SLC17A1: variants seen among roughly 807,000 people sequenced by gnomAD.
SLC17A1 encodes the protein sodium-dependent phosphate transport protein 1.
In SLC17A1, 51 loss-of-function variants were observed where a neutral mutation model predicts 53.5. That is an observed-to-expected ratio of 0.95 (90% CI 0.76 to 1.20). The LOEUF (loss-of-function observed/expected upper bound fraction) is 1.20, where lower values mean the gene tolerates loss of function less well. Among genes scored for constraint, SLC17A1 ranks in the 50% most tolerant of loss-of-function variants. The pLI, the probability that SLC17A1 is intolerant of heterozygous loss-of-function variation, is 0.00. For missense variants in SLC17A1, 538 were observed against 568.2 expected (o/e 0.95, Z 0.54); for synonymous variants, 179 against 198.8 (o/e 0.90, Z 0.84).
the SLC17A1 span, among the ~76,000 whole-genome samples, chr6:25,733,072 A>G: frequency 1.3e-5 from 2 of 152,186 alleles, no homozygotes; most frequent in African/African-American, 4.8e-5. Context: ...GTTTCCTTTA[A>G]TACTCGGTAG....
chr6:25,751,628 T>C, the SLC17A1 span, among the ~76,000 whole-genome samples: 4 of 152,234 alleles, frequency 2.6e-5, no homozygotes, highest in Non-Finnish European at 4.4e-5. Context: ...TGAGAAGCTG[T>C]AGCCAAGACA....
the SLC17A1 span, chr6:25,769,232 A>T: frequency 6.6e-7 from 1 of 1,525,638 alleles, no homozygotes; most frequent in Non-Finnish European, 9.1e-7. Context: ...TGACTCAAAT[A>T]ATTTGACTTA....
At chr6:25,776,879 G>A in the SLC17A1 span, 1 of 1,613,954 alleles carries the variant, frequency 6.2e-7, no homozygotes, top group Non-Finnish European at 8.5e-7. Flanking sequence ...GCATGACCAT[G>A]ACCTTCTTGG....
At chr6:25,826,355 T>A (rs1764739412) in intron 3 of SLC17A1, 106 bp downstream of exon 3, 2 of 906,774 alleles carry the variant, frequency 2.2e-6, no homozygotes, top group Non-Finnish European at 3.2e-6. Context: ...AGACTTGAGC[T>A]TCTTTTTCAA....
At chr6:25,736,392 C>G in the SLC17A1 span, among the ~76,000 whole-genome samples, 1 of 152,170 alleles carries the variant, frequency 6.6e-6, no homozygotes, top group Non-Finnish European at 1.5e-5. Flanking sequence ...GGCCCCGTAT[C>G]TCAGTACTCA....
the SLC17A1 span, among the ~76,000 whole-genome samples, chr6:25,767,046 G>C: frequency 1.3e-5 from 2 of 152,116 alleles, no homozygotes; most frequent in African/African-American, 2.4e-5. Flanking sequence ...AGGAAATTTT[G>C]TGTGAGATAT....
chr6:25,805,011 A>G (rs1328750858), intron 10 of SLC17A1, among the ~76,000 whole-genome samples: 2 of 152,134 alleles, frequency 1.3e-5, no homozygotes, highest in Non-Finnish European at 2.9e-5. Context: ...CAATAAACTT[A>G]AACTACACTT....
chr6:25,801,415 G>A (rs1763755315), intron 10 of SLC17A1, among the ~76,000 whole-genome samples: 1 of 152,152 alleles, frequency 6.6e-6, no homozygotes, highest in Non-Finnish European at 1.5e-5. Context: ...GAAATCAGAA[G>A]CCTAGTTTAC....
chr6:25,803,283 A>G (rs972595408), intron 10 of SLC17A1, among the ~76,000 whole-genome samples: 1 of 152,048 alleles, frequency 6.6e-6, no homozygotes, highest in Non-Finnish European at 1.5e-5. Flanking sequence ...AATCAAATAA[A>G]TACATGTCCT....
intron 3 of SLC17A1, among the ~76,000 whole-genome samples, chr6:25,821,988 A>G (rs1462688922): frequency 6.6e-6 from 1 of 152,222 alleles, no homozygotes; most frequent in Non-Finnish European, 1.5e-5. Flanking sequence ...AGAAATATAC[A>G]AATGTGTAAT....
intron 10 of SLC17A1, 84 bp downstream of exon 10, chr6:25,811,314 T>C: frequency 7.1e-7 from 1 of 1,402,856 alleles, no homozygotes; most frequent in Non-Finnish European, 9.7e-7. Context: ...AGTATCCATA[T>C]TTTAAATCAT....
the SLC17A1 span, among the ~76,000 whole-genome samples, chr6:25,742,762 C>T: frequency 4.6e-5 from 7 of 152,020 alleles, no homozygotes; most frequent in African/African-American, 1.7e-4. Flanking sequence ...TATGATCCTG[C>T]CACTGCACTG....
In SLC17A1 at chr6:25,819,752, A is replaced by G; in HGVS notation, c.371T>C (p.Leu124Pro). The G allele has an allele frequency of 6.2e-7, 1 of 1,614,226 alleles. No individual in the cohort carries two copies. The highest frequency in any genetic ancestry group is 8.5e-7 in the Non-Finnish European group (1 of 1,180,028). The change falls in exon 4 of 13, where the codon CTC (leucine) becomes CCC (proline). Residue 124 changes from leucine (L) to proline (P), a missense_variant. Physicochemically the swap from Leu to Pro is moderately conservative, Grantham distance 98. Transcript: ENST00000244527. ...TCCAATTCCAGCTGCTGGTGGGATGAGCAGGCTTAACACAGAGCTGAGGCA... is the reference window on the plus strand; with the variant it reads ...TCCAATTCCAGCTGCTGGTGGGATGGGCAGGCTTAACACAGAGCTGAGGCA... The part of the protein sequence containing the change: ...ALCLSSVLSL[L>P]IPPAAGIGVA...
chr6:25,818,727 T>C (rs1664120918), intron 6 of SLC17A1, among the ~76,000 whole-genome samples: 1 of 152,238 alleles, frequency 6.6e-6, no homozygotes, highest in Admixed American at 6.5e-5. Flanking sequence ...CTCCACATCA[T>C]GCTTTGAATG....
At chr6:25,794,018 T>C (rs1362464196) in intron 12 of SLC17A1, among the ~76,000 whole-genome samples, 1 of 152,200 alleles carries the variant, frequency 6.6e-6, no homozygotes, top group Admixed American at 6.5e-5. Context: ...ACACACCTTC[T>C]TAATTTTGGG....
chr6:25,762,052 AG>A, the SLC17A1 span: 2 of 1,612,790 alleles, frequency 1.2e-6, no homozygotes, highest in Non-Finnish European at 1.7e-6. Context: ...GCTCCAGGAA[AG>A]GTAAAATCAT....
intron 8 of SLC17A1, 39 bp from the exon 9 acceptor site, chr6:25,811,809 G>A: frequency 6.2e-7 from 1 of 1,610,134 alleles, no homozygotes. Context: ...AGTTTGATGG[G>A]TAAAGCAGTA....
At chr6:25,739,651 T>A in the SLC17A1 span, among the ~76,000 whole-genome samples, 1 of 152,318 alleles carries the variant, frequency 6.6e-6, no homozygotes, top group South Asian at 2.1e-4. Flanking sequence ...AGAATGGACT[T>A]CTAGGAAATT....
chr6:25,829,439 C>T (rs1225686070), intron 2 of SLC17A1, among the ~76,000 whole-genome samples: 3 of 152,070 alleles, frequency 2.0e-5, no homozygotes, highest in East Asian at 1.9e-4. Context: ...GCTGCCTAAA[C>T]TCAGTATCAT....
Sources: allele counts gnomAD v4.1 joint callset (sites outside exome capture counted in the v4.1 genomes callset), GRCh38; gene constraint gnomAD v4.1.1; transcripts MANE v1.5; gene names NCBI Gene and HGNC (gene_info 2026-07-23, HGNC 2026-07-21).